The following HUNK variants were observed in gnomAD, a reference collection of about 807,000 sequenced individuals.
HUNK encodes the protein hormonally up-regulated Neu-associated kinase.
A neutral mutation model predicts 61.0 loss-of-function variants in HUNK; 21 were observed. That is an observed-to-expected ratio of 0.34 (90% CI 0.24 to 0.50). HUNK has a LOEUF of 0.50. Among genes scored for constraint, HUNK ranks in the 20% least tolerant of loss-of-function variants. The pLI, the probability that HUNK is intolerant of heterozygous loss-of-function variation, is 0.98. For synonymous variants in HUNK, 371 were observed against 386.1 expected (o/e 0.96, Z 0.46); for missense variants, 772 against 945.7 (o/e 0.82, Z 2.41).
intron 1 of HUNK, among the ~76,000 whole-genome samples, chr21:31,890,794 C>T (rs79279493): frequency 2.6e-5 from 4 of 152,252 alleles, no homozygotes; most frequent in African/African-American, 9.6e-5. Context: ...ATGAAAGTGA[C>T]TTTTTAACTG....
rs1276067142 is a variant in HUNK, at chr21:31,882,272, T to C, written c.261+8337T>C. On this transcript the variant is annotated intron_variant, in intron 1 of 10. Coordinates refer to ENST00000270112, the MANE Select transcript of HUNK (RefSeq NM_014586.2). ...GCAACTTCTAATCACTGGGTTCTTT[T>C]TGGTTTTTAATCATCTTTGTGTTTT... Among the ~76,000 whole-genome samples, 5 of 152,334 alleles carry C rather than the reference T, an allele frequency of 3.3e-5. No individual in the cohort carries two copies. The South Asian group carries it at 1.0e-3, about 32-fold the overall frequency.
At chr21:31,880,730 G>C (rs994772458) in intron 1 of HUNK, among the ~76,000 whole-genome samples, 1 of 152,168 alleles carries the variant, frequency 6.6e-6, no homozygotes, top group Admixed American at 6.5e-5. Context: ...GGTATCTTTT[G>C]GGGGAGCATA....
At chr21:31,926,413 G>A (rs2052660322) in intron 2 of HUNK, among the ~76,000 whole-genome samples, 1 of 152,032 alleles carries the variant, frequency 6.6e-6, no homozygotes, top group Non-Finnish European at 1.5e-5. Context: ...TATTCACAGA[G>A]TTGTGCAACC....
intron 1 of HUNK, among the ~76,000 whole-genome samples, chr21:31,876,293 G>A (rs1052414296): frequency 6.6e-6 from 1 of 152,146 alleles, no homozygotes; most frequent in African/African-American, 2.4e-5. Flanking sequence ...CCTCCCCAGC[G>A]GGGAGAATCA....
intron 8 of HUNK, among the ~76,000 whole-genome samples, chr21:31,986,132 TAA>T (rs2053130972): frequency 6.6e-6 from 1 of 152,094 alleles, no homozygotes; most frequent in Non-Finnish European, 1.5e-5. Flanking sequence ...AGTTGCTTAC[TAA>T]ATGTTAACCC....
rs534104957 is a variant in HUNK, at chr21:31,878,639, A to G, written c.261+4704A>G. Among the ~76,000 whole-genome samples, 6 of 152,332 alleles carry G rather than the reference A, an allele frequency of 3.9e-5. No homozygotes were observed. In the South Asian group the frequency reaches 1.2e-3, roughly 32 times the overall value. ...AGTCCCAGCTACTTGGGTGGCTGAC[A>G]CATGAGAATTGCTTGAACCCTGGTG... On this transcript the variant is annotated intron_variant, in intron 1 of 10. Transcript: ENST00000270112.
rs547997334 is a variant in HUNK, at chr21:31,915,479, C to T, written c.262-8989C>T. 2.6e-5 allele frequency among the ~76,000 whole-genome samples: 4 copies of T among 152,244 alleles called. No individual in the cohort carries two copies. The South Asian group carries it at 8.3e-4, about 32-fold the overall frequency. On this transcript the variant is annotated intron_variant, in intron 1 of 10. Transcript: ENST00000270112. Reference sequence around the variant, plus strand: ...TGATTAAGGAAAGGCTATGAACTTTCTAAAATACAGCACATTGTATAATGT... The same window carrying T: ...TGATTAAGGAAAGGCTATGAACTTTTTAAAATACAGCACATTGTATAATGT...
chr21:31,928,826 A>G (rs1297485535), intron 2 of HUNK, among the ~76,000 whole-genome samples: 3 of 152,208 alleles, frequency 2.0e-5, no homozygotes, highest in Non-Finnish European at 4.4e-5. Flanking sequence ...GCTTTCTCAT[A>G]AAGAATTTTC....
intron 4 of HUNK, among the ~76,000 whole-genome samples, chr21:31,947,474 C>A (rs2052816988): frequency 6.6e-6 from 1 of 152,256 alleles, no homozygotes; most frequent in East Asian, 1.9e-4. Flanking sequence ...TCTGTCCTCA[C>A]CCTTTTAATT....
chr21:31,889,067 G>A (rs897777800), intron 1 of HUNK, among the ~76,000 whole-genome samples: 5 of 152,112 alleles, frequency 3.3e-5, no homozygotes, highest in African/African-American at 1.2e-4. Context: ...GAATCACATC[G>A]TGAAGCTGGA....
chr21:31,948,486 C>T (rs762820949), intron 4 of HUNK, among the ~76,000 whole-genome samples: 1 of 152,152 alleles, frequency 6.6e-6, no homozygotes, highest in Non-Finnish European at 1.5e-5. Context: ...TGGGCCTCAC[C>T]GTGAGGTCTC....
chr21:31,981,323 G>A (rs1387965872), intron 7 of HUNK, among the ~76,000 whole-genome samples: 1 of 150,736 alleles, frequency 6.6e-6, no homozygotes, highest in Non-Finnish European at 1.5e-5. Flanking sequence ...TGTTCAAAAT[G>A]ACTTTGGCTA....
chr21:31,914,744 C>T (rs74500038), intron 1 of HUNK, among the ~76,000 whole-genome samples: 1,542 of 152,264 alleles, frequency 0.01, 25 homozygotes, highest in African/African-American at 0.035. Flanking sequence ...GGCTCAGAGA[C>T]AGAGAGAGTT....
intron 1 of HUNK, among the ~76,000 whole-genome samples, chr21:31,888,186 A>G (rs1368865577): frequency 2.0e-5 from 3 of 152,162 alleles, no homozygotes; most frequent in African/African-American, 7.2e-5. Flanking sequence ...AACCACATTC[A>G]CCCAGGAAAA....
chr21:31,908,062 T>A (rs1166327028), intron 1 of HUNK, among the ~76,000 whole-genome samples: 1 of 152,178 alleles, frequency 6.6e-6, no homozygotes, highest in East Asian at 1.9e-4. Context: ...AAATTTTTTT[T>A]AAATGAACAA....
chr21:31,958,384 C>T (rs972725766), intron 4 of HUNK, among the ~76,000 whole-genome samples: 5 of 152,006 alleles, frequency 3.3e-5, no homozygotes, highest in Admixed American at 6.5e-5. Context: ...GTGCAACCTC[C>T]GCCTCCTGGG....
rs113944605 is a variant in HUNK at position 31,899,114 on chromosome 21, G to A, written c.261+25179G>A. The stretch of plus-strand genomic sequence containing the variant: ...TGCCATGGAGGAAATGATTTAACAA[G>A]TCGAGGCTGGCAACGACTTCCTGCT... On this transcript the variant is annotated intron_variant, in intron 1 of 10. Transcript: ENST00000270112. 7.9e-3 allele frequency among the ~76,000 whole-genome samples: 1,149 copies of A among 146,116 alleles called. 12 individuals are homozygous for A. The highest frequency in any genetic ancestry group is 0.01 in the Non-Finnish European group (704 of 67,468).
At chr21:31,922,536 G>A (rs1298545148) in intron 1 of HUNK, among the ~76,000 whole-genome samples, 15 of 145,518 alleles carry the variant, frequency 1.0e-4, no homozygotes, top group African/African-American at 1.5e-4. Flanking sequence ...CATGTTGGCC[G>A]GGCTGGTCTT....
At chr21:31,974,791 A>C (rs1011887139) in intron 7 of HUNK, 74 bp downstream of exon 7, 15 of 1,366,522 alleles carry the variant, frequency 1.1e-5, no homozygotes, top group Middle Eastern at 1.9e-4. Flanking sequence ...AGTGCTTCTC[A>C]GTTGCTGACA....
Sources: allele counts gnomAD v4.1 joint callset (sites outside exome capture counted in the v4.1 genomes callset), GRCh38; gene constraint gnomAD v4.1.1; transcripts MANE v1.5; gene names NCBI Gene and HGNC (gene_info 2026-07-23, HGNC 2026-07-21).